The following CHST15 variants were observed in gnomAD, a reference collection of about 807,000 sequenced individuals.
CHST15 encodes the protein carbohydrate sulfotransferase 15.
CHST15 carries 30 observed loss-of-function variants against 53.6 expected under a neutral mutation model. That is an observed-to-expected ratio of 0.56 (90% CI 0.42 to 0.76). The LOEUF (loss-of-function observed/expected upper bound fraction) is 0.76, where lower values mean the gene tolerates loss of function less well. Ranked by LOEUF, CHST15 falls within the 30% of genes least tolerant of loss-of-function variation. CHST15 has a pLI of 0.00. For missense variants in CHST15, 627 were observed against 740.5 expected (o/e 0.85, Z 1.78); for synonymous variants, 296 against 289.8 (o/e 1.02, Z -0.22).
At position 124,008,870 on chromosome 10, in the gene CHST15, T is replaced by G. The variant is rs916057117; in HGVS notation, c.*1279A>C. 4 of 1,273,816 alleles carry G rather than the reference T, an allele frequency of 3.1e-6. No individual in the cohort carries two copies. The highest frequency in any genetic ancestry group is 2.2e-4 in the Middle Eastern group (1 of 4,600). 78.9% of individuals were successfully genotyped at this position (1,273,816 alleles called of 1,614,324 possible). A position where few individuals can be genotyped will look rare whatever the true frequency, so the allele number is the denominator to read the frequency against. On this transcript the variant is annotated 3_prime_UTR_variant, in exon 8 of 8. Transcript: ENST00000435907. ...GTTCTCTTCAATCTTCCCTGTGACT[T>G]CCAAGAAACGACAAGATCTCTAGCC...
intron 5 of CHST15, among the ~76,000 whole-genome samples, chr10:124,028,792 G>T (rs1052714714): frequency 6.6e-6 from 1 of 152,224 alleles, no homozygotes; most frequent in African/African-American, 2.4e-5. Context: ...CCACCTTTGA[G>T]AAAAGATCCC....
At chr10:124,035,853 A>G (rs1186890010) in intron 5 of CHST15, among the ~76,000 whole-genome samples, 3 of 151,666 alleles carry the variant, frequency 2.0e-5, no homozygotes, top group Admixed American at 6.6e-5. Flanking sequence ...CACTCTCCTC[A>G]CCTCCTACTC....
At position 124,007,868 on chromosome 10, in the gene CHST15, A is replaced by G. The variant is rs747340081; in HGVS notation, c.*2281T>C. ...ATACCATGTTGTGAGAAATGCTCCAATTTGCTTTGGTTTTGAATGGCAGGC... is the reference window on the plus strand; with the variant it reads ...ATACCATGTTGTGAGAAATGCTCCAGTTTGCTTTGGTTTTGAATGGCAGGC... On this transcript the variant is annotated 3_prime_UTR_variant, in exon 8 of 8. Coordinates refer to ENST00000435907, the MANE Select transcript of CHST15 (RefSeq NM_001270764.2). The G allele has an allele frequency of 3.2e-6, 4 of 1,232,050 alleles. No homozygotes were observed. Among genetic ancestry groups the G allele is most frequent in the African/African-American group, 3.1e-5 (2 of 64,420 alleles). The allele number at this position is 1,232,050 out of a possible 1,614,324, so 76.3% of individuals were successfully genotyped here. A position where few individuals can be genotyped will look rare whatever the true frequency, so the allele number is the denominator to read the frequency against.
chr10:124,048,913 G>T (rs926896558), intron 1 of CHST15, among the ~76,000 whole-genome samples: 36 of 152,254 alleles, frequency 2.4e-4, no homozygotes, highest in African/African-American at 7.7e-4. Context: ...ATGAGCAGCC[G>T]ACAGTCTCAA....
Position 124,021,246 on chromosome 10 carries a change from G to GGGGGC in CHST15, c.1347+9_1347+10insGCCCC, listed in dbSNP as rs1554903204. 9.0e-5 allele frequency: 140 copies of GGGGGC among 1,562,414 alleles called. No homozygotes were observed. The East Asian group carries it at 1.9e-3, about 21-fold the overall frequency. On this transcript the variant is annotated intron_variant, in intron 6 of 7. Coordinates refer to ENST00000435907, the MANE Select transcript of CHST15 (RefSeq NM_001270764.2). Reference sequence around the variant, plus strand: ...CCAGCTCGGGGGGTACGGGGGGGGGGGGTACACACAGGCATGGCGTTGTTG... The same window carrying GGGGGC: ...CCAGCTCGGGGGGTACGGGGGGGGGGGGGGCGGTACACACAGGCATGGCGTTGTTG...
At chr10:124,038,740 C>T in intron 4 of CHST15, 69 bp from the exon 5 acceptor site, 6 of 1,542,054 alleles carry the variant, frequency 3.9e-6, no homozygotes, top group Non-Finnish European at 5.3e-6. Context: ...CTCTAGGTGC[C>T]AGAGGCCACA....
intron 5 of CHST15, among the ~76,000 whole-genome samples, chr10:124,033,740 T>C (rs536811824): frequency 6.6e-6 from 1 of 152,136 alleles, no homozygotes; most frequent in Non-Finnish European, 1.5e-5. Flanking sequence ...CAACAGCTCT[T>C]GAGGTGCTGA....
At chr10:124,020,592 A>G (rs2030780156) in intron 6 of CHST15, 1 of 986,878 alleles carries the variant, frequency 1.0e-6, no homozygotes, top group African/African-American at 1.7e-5. Context: ...CGCTGAGCAG[A>G]GCAAGGCTTG....
At chr10:124,062,517 C>T (rs917372654) in intron 1 of CHST15, among the ~76,000 whole-genome samples, 2 of 152,130 alleles carry the variant, frequency 1.3e-5, no homozygotes, top group Admixed American at 6.5e-5. Flanking sequence ...ACGGCAGTAC[C>T]GACCCCATGG....
intron 2 of CHST15, among the ~76,000 whole-genome samples, 193 bp from the exon 3 acceptor site, chr10:124,045,112 CAAAAAAAAAAAAAAAAAAAAA>C (rs758243657): frequency 3.0e-5 from 1 of 33,800 alleles, no homozygotes; most frequent in African/African-American, 7.5e-5. Context: ...CGCCGCCCCA[CAAAAAAAAAAAAAAAAAAAAA>C]AAAAAAAAAA....
chr10:124,045,092 T>A (rs1158322759), intron 2 of CHST15, among the ~76,000 whole-genome samples, 173 bp from the exon 3 acceptor site: 2 of 101,038 alleles, frequency 2.0e-5, no homozygotes, highest in Non-Finnish European at 3.9e-5. Context: ...GACTGTGCTT[T>A]CCTCTCCCCC....
At chr10:124,045,133 A>AAC (rs1200457080) in intron 2 of CHST15, among the ~76,000 whole-genome samples, 1,803 of 145,780 alleles carry the variant, frequency 0.012, 47 homozygotes, top group Non-Finnish European at 0.02. Flanking sequence ...AAAAAAAAAA[A>AAC]AAAAAAAAAA....
intron 1 of CHST15, among the ~76,000 whole-genome samples, chr10:124,090,401 G>A (rs894788030): frequency 2.6e-5 from 4 of 152,164 alleles, no homozygotes; most frequent in Non-Finnish European, 4.4e-5. Context: ...ACTAGCAGGG[G>A]ACCTTCCAGC....
In CHST15 at chr10:124,007,886, T is replaced by A; in HGVS notation, c.*2263A>T. Reference sequence around the variant, plus strand: ...TGCTCCAATTTGCTTTGGTTTTGAATGGCAGGCTCGAGAACCACCGCCCAG... The same window carrying A: ...TGCTCCAATTTGCTTTGGTTTTGAAAGGCAGGCTCGAGAACCACCGCCCAG... On this transcript the variant is annotated 3_prime_UTR_variant, in exon 8 of 8. Coordinates refer to ENST00000435907, the MANE Select transcript of CHST15 (RefSeq NM_001270764.2). The A allele has an allele frequency of 9.7e-6, 12 of 1,232,130 alleles. No individual in the cohort carries two copies. Among genetic ancestry groups the A allele is most frequent in the Non-Finnish European group, 1.2e-5 (12 of 987,978 alleles). 76.3% of individuals were successfully genotyped at this position (1,232,130 alleles called of 1,614,324 possible). A position where few individuals can be genotyped will look rare whatever the true frequency, so the allele number is the denominator to read the frequency against.
intron 5 of CHST15, among the ~76,000 whole-genome samples, chr10:124,037,193 A>G (rs765578600): frequency 1.1e-4 from 16 of 152,186 alleles, no homozygotes; most frequent in African/African-American, 1.9e-4. Context: ...ATCTGCAAAG[A>G]AAGATCCTAT....
chr10:124,031,988 CAG>C (rs1469118982), intron 5 of CHST15, among the ~76,000 whole-genome samples: 1 of 152,206 alleles, frequency 6.6e-6, no homozygotes, highest in Non-Finnish European at 1.5e-5. Flanking sequence ...ACTCTGCAGA[CAG>C]AGTGAAACTG....
rs764629882 is a variant in CHST15 at position 124,021,212 on chromosome 10, T to C, written c.1347+44A>G. The C allele has an allele frequency of 1.8e-5, 18 of 1,004,808 alleles. No individual in the cohort carries two copies. In the South Asian group the frequency reaches 2.0e-4, roughly 11 times the overall value. 62.2% of individuals were successfully genotyped at this position (1,004,808 alleles called of 1,614,324 possible). On this transcript the variant is annotated intron_variant, in intron 6 of 7. Coordinates refer to ENST00000435907, the MANE Select transcript of CHST15 (RefSeq NM_001270764.2). ...ATAATAACAACAAACCAGCTCCTTC[T>C]GCCAGGGGCCAGCTCGGGGGGTACG... is the stretch of plus-strand genomic sequence containing the variant.
rs1949676209 is a variant in CHST15, at chr10:124,093,572, C to G, written c.-616G>C. The stretch of plus-strand genomic sequence containing the variant: ...CCGCATCCAGGGCGCGTCAACCTGA[C>G]TCCCCGAGCGCTGGGAGGAAAAGTT... On this transcript the variant is annotated 5_prime_UTR_variant, in exon 1 of 8. Coordinates refer to ENST00000435907, the MANE Select transcript of CHST15 (RefSeq NM_001270764.2). 6.6e-6 allele frequency: 1 copy of G among 152,268 alleles called. No individual in the cohort carries two copies. Among genetic ancestry groups the G allele is most frequent in the East Asian group, 1.9e-4 (1 of 5,166 alleles). 9.4% of individuals were successfully genotyped at this position (152,268 alleles called of 1,614,324 possible). A position where few individuals can be genotyped will look rare whatever the true frequency, so the allele number is the denominator to read the frequency against.
intron 1 of CHST15, among the ~76,000 whole-genome samples, chr10:124,086,999 G>A (rs543939336): frequency 3.0e-4 from 46 of 152,292 alleles, no homozygotes; most frequent in Admixed American, 5.2e-4. Context: ...TCCGTGTCAC[G>A]GGCGCCAAAT....
Sources: allele counts gnomAD v4.1 joint callset (sites outside exome capture counted in the v4.1 genomes callset), GRCh38; gene constraint gnomAD v4.1.1; transcripts MANE v1.5; gene names NCBI Gene and HGNC (gene_info 2026-07-23, HGNC 2026-07-21).